Variants in PBX3 observed in about 807,000 individuals in gnomAD.
PBX3 encodes the protein pre-B-cell leukemia transcription factor 3.
PBX3 carries 14 observed loss-of-function variants against 48.5 expected under a neutral mutation model. That is an observed-to-expected ratio of 0.29 (90% confidence interval 0.19 to 0.45). PBX3 has a LOEUF of 0.45. Among genes scored for constraint, PBX3 ranks in the 20% least tolerant of loss-of-function variants. The pLI is 1.00. For synonymous variants in PBX3, 210 were observed against 200.3 expected (o/e 1.05, Z -0.41); for missense variants, 386 against 546.7 (o/e 0.71, Z 2.93).
At chr9:125,817,936 C>T (rs905207857) in intron 2 of PBX3, among the ~76,000 whole-genome samples, 3 of 152,188 alleles carry the variant, frequency 2.0e-5, no homozygotes, top group African/African-American at 7.2e-5. Context: ...GATGCGGTGG[C>T]TCACGCCTGT....
intron 2 of PBX3, among the ~76,000 whole-genome samples, chr9:125,876,672 G>A (rs1840256885): frequency 6.6e-6 from 1 of 152,110 alleles, no homozygotes. Flanking sequence ...AAGTTTTTGG[G>A]GAGTCAAAGT....
chr9:125,919,103 T>A (rs1032228600), intron 3 of PBX3, among the ~76,000 whole-genome samples: 9 of 152,216 alleles, frequency 5.9e-5, no homozygotes, highest in Non-Finnish European at 1.5e-5. Flanking sequence ...TGAATTGTGC[T>A]GGTACCCATG....
intron 2 of PBX3, among the ~76,000 whole-genome samples, chr9:125,774,006 G>A (rs1052835683): frequency 6.6e-6 from 1 of 152,030 alleles, no homozygotes; most frequent in African/African-American, 2.4e-5. Context: ...AGTCTGTTCT[G>A]GCACTGCTAT....
At chr9:125,925,239 C>G (rs765874005) in intron 3 of PBX3, among the ~76,000 whole-genome samples, 1 of 152,056 alleles carries the variant, frequency 6.6e-6, no homozygotes, top group East Asian at 1.9e-4. Context: ...TAGCGTTTCC[C>G]GAAGAGTTTT....
At chr9:125,887,632 A>G (rs1840532638) in intron 2 of PBX3, among the ~76,000 whole-genome samples, 2 of 152,174 alleles carry the variant, frequency 1.3e-5, no homozygotes, top group Admixed American at 1.3e-4. Context: ...GTTTCACATC[A>G]GTATCTCAAG....
At chr9:125,778,171 A>T (rs1037564075) in intron 2 of PBX3, among the ~76,000 whole-genome samples, 1 of 152,026 alleles carries the variant, frequency 6.6e-6, no homozygotes, top group African/African-American at 2.4e-5. Flanking sequence ...CATGTTGGCC[A>T]TGCTGGTCTC....
intron 6 of PBX3, among the ~76,000 whole-genome samples, chr9:125,961,422 A>C (rs1842428469): frequency 6.6e-6 from 1 of 152,312 alleles, no homozygotes; most frequent in Non-Finnish European, 1.5e-5. Context: ...TTTTGGCTGC[A>C]TTTTATGTGA....
At chr9:125,795,059 A>C (rs971276717) in intron 2 of PBX3, among the ~76,000 whole-genome samples, 1 of 152,194 alleles carries the variant, frequency 6.6e-6, no homozygotes, top group Non-Finnish European at 1.5e-5. Context: ...CTCACTCTCA[A>C]TGAAGCCTTG....
intron 2 of PBX3, among the ~76,000 whole-genome samples, chr9:125,792,066 G>T (rs573847674): frequency 6.8e-6 from 1 of 146,586 alleles, no homozygotes; most frequent in Non-Finnish European, 1.5e-5. Flanking sequence ...ACGCACGCAC[G>T]CACGCACGCA....
At chr9:125,781,276 G>A (rs962371325) in intron 2 of PBX3, among the ~76,000 whole-genome samples, 4 of 151,662 alleles carry the variant, frequency 2.6e-5, no homozygotes, top group Non-Finnish European at 4.4e-5. Flanking sequence ...CCGGCACCTC[G>A]GGAGGCCAAG....
chr9:125,781,225 G>A (rs1837297701), intron 2 of PBX3, among the ~76,000 whole-genome samples: 1 of 150,952 alleles, frequency 6.6e-6, no homozygotes, highest in Non-Finnish European at 1.5e-5. Context: ...TCCAGCCTGG[G>A]CACCATTGAG....
At chr9:125,955,054 T>G (rs921258075) in intron 5 of PBX3, among the ~76,000 whole-genome samples, 9 of 152,182 alleles carry the variant, frequency 5.9e-5, no homozygotes, top group Non-Finnish European at 1.0e-4. Flanking sequence ...GGGTCCATGA[T>G]TTTTTAAAAT....
At chr9:125,793,359 A>G (rs1226169078) in intron 2 of PBX3, among the ~76,000 whole-genome samples, 21 of 65,524 alleles carry the variant, frequency 3.2e-4, no homozygotes, top group African/African-American at 1.1e-3. Flanking sequence ...TTGGGGGGGA[A>G]AAAAAAAATA....
intron 2 of PBX3, among the ~76,000 whole-genome samples, chr9:125,877,201 T>A (rs1361406386): frequency 6.6e-6 from 1 of 152,246 alleles, no homozygotes; most frequent in Non-Finnish European, 1.5e-5. Flanking sequence ...AAATAAACAT[T>A]TGTTGAATGA....
At chr9:125,963,144 TA>T (rs1159629575) in intron 8 of PBX3, 43 bp downstream of exon 8, 1 of 1,093,184 alleles carries the variant, frequency 9.1e-7, no homozygotes, top group Non-Finnish European at 1.4e-6. Context: ...CAGTGTCAGG[TA>T]AACAGTGACT....
chr9:125,780,322 A>C (rs1470214594), intron 2 of PBX3, among the ~76,000 whole-genome samples: 1 of 128,792 alleles, frequency 7.8e-6, no homozygotes, highest in Admixed American at 7.5e-5. Flanking sequence ...GGCTGGGCAG[A>C]GGCGCCCCTC....
intron 2 of PBX3, among the ~76,000 whole-genome samples, chr9:125,871,966 A>G (rs961515263): frequency 2.6e-5 from 4 of 152,180 alleles, no homozygotes; most frequent in African/African-American, 7.2e-5. Context: ...TATGTGTGTA[A>G]AAATGCATCT....
chr9:125,861,182 C>G (rs1193577247), intron 2 of PBX3, among the ~76,000 whole-genome samples: 1 of 151,910 alleles, frequency 6.6e-6, no homozygotes, highest in Non-Finnish European at 1.5e-5. Context: ...GTGGTCCTAG[C>G]TACCCGGGAG....
chr9:125,794,972 T>C (rs1837735348), intron 2 of PBX3, among the ~76,000 whole-genome samples: 2 of 152,250 alleles, frequency 1.3e-5, no homozygotes. Flanking sequence ...TATTGATGCA[T>C]TCACTTACCA....
Sources: allele counts gnomAD v4.1 joint callset (sites outside exome capture counted in the v4.1 genomes callset), GRCh38; gene constraint gnomAD v4.1.1; transcripts MANE v1.5; gene names NCBI Gene and HGNC (gene_info 2026-07-23, HGNC 2026-07-21).